The following DOT1L variants were observed in gnomAD, a reference collection of about 807,000 sequenced individuals.
DOT1L encodes the protein histone-lysine N-methyltransferase, H3 lysine-79 specific.
A neutral mutation model predicts 153.3 loss-of-function variants in DOT1L; 33 were observed. That is an observed-to-expected ratio of 0.22 (90% CI 0.16 to 0.29). The LOEUF (loss-of-function observed/expected upper bound fraction) is 0.29. Ranked by LOEUF, DOT1L falls within the 10% of genes least tolerant of loss-of-function variation. The probability of loss-of-function intolerance (pLI) is 1.00; values close to 1 mark genes in which losing one functional copy is unlikely to be tolerated. For synonymous variants in DOT1L, 1,135 were observed against 965.1 expected, an observed-to-expected ratio of 1.18 and a Z score of -3.26; for missense variants, 1,847 against 2,119.9, an observed-to-expected ratio of 0.87 and a Z score of 2.53.
At chr19:2,170,929 CAA>C (rs1599528856) in intron 1 of DOT1L, among the ~76,000 whole-genome samples, 2 of 152,242 alleles carry the variant, frequency 1.3e-5, no homozygotes, top group East Asian at 3.9e-4. Flanking sequence ...TGTCCCCCTC[CAA>C]GAGTCTCCCA....
Position 2,194,490 on chromosome 19 carries a change from GGGCGTTT to G in DOT1L, c.589-22_589-16del, listed in dbSNP as rs759883838. On this transcript the variant is annotated intron_variant, in intron 6 of 27. Transcript: ENST00000398665. ...CTGGCTTGCCCTGAGAGTTTGTAAC[GGGCGTTT>G]GGTTTCTTTCCTTCCAGACCATGGA... The G allele has an allele frequency of 1.9e-6, 3 of 1,613,778 alleles. No individual in the cohort carries two copies. The highest frequency in any genetic ancestry group is 1.1e-5 in the South Asian group (1 of 91,088).
intron 1 of DOT1L, among the ~76,000 whole-genome samples, chr19:2,177,386 T>C (rs541267464): frequency 1.8e-3 from 271 of 151,922 alleles, no homozygotes; most frequent in African/African-American, 6.2e-3. Flanking sequence ...AACCTCTGCC[T>C]CCCGGGTTCA....
At position 2,191,571 on chromosome 19, in the gene DOT1L, C is replaced by T. The variant is rs1048149655; in HGVS notation, c.493+331C>T. Among the ~76,000 whole-genome samples, 1 of 152,224 alleles carries T rather than the reference C, an allele frequency of 6.6e-6. No individual in the cohort carries two copies. Among genetic ancestry groups the T allele is most frequent in the South Asian group, 2.1e-4 (1 of 4,832 alleles). The stretch of plus-strand genomic sequence containing the variant: ...TCTACTGCTCGCTCCCAGAAGCTGC[C>T]ACTCGCTAGCCTGGGCCCCAGCCCG... On this transcript the variant is annotated intron_variant, in intron 5 of 27. Coordinates refer to ENST00000398665, the MANE Select transcript of DOT1L (RefSeq NM_032482.3). This position sits in a 1 kb window ranked among gnomAD's most constrained non-coding sequence, Gnocchi z 6.8.
At chr19:2,178,166 G>A (rs1374939209) in intron 1 of DOT1L, among the ~76,000 whole-genome samples, 2 of 148,140 alleles carry the variant, frequency 1.4e-5, no homozygotes, top group East Asian at 2.0e-4. Context: ...TCCTGACCTC[G>A]AGTGATCCAC....
chr19:2,164,988 T>C (rs1297403771), intron 1 of DOT1L, among the ~76,000 whole-genome samples: 2 of 152,212 alleles, frequency 1.3e-5, no homozygotes, highest in Non-Finnish European at 2.9e-5. Context: ...TTTTGTCTTC[T>C]TCATCTTGGT....
rs576383622 is a variant in DOT1L, at chr19:2,220,610, G to A, written c.2806+388G>A. 28 of 441,784 alleles carry A rather than the reference G, an allele frequency of 6.3e-5. No homozygotes were observed. The highest frequency in any genetic ancestry group is 3.7e-4 in the Admixed American group (15 of 40,038). 27.4% of individuals were successfully genotyped at this position (441,784 alleles called of 1,614,324 possible). On this transcript the variant is annotated intron_variant, in intron 23 of 27. Transcript: ENST00000398665. This position sits in a 1 kb window ranked among gnomAD's most constrained non-coding sequence, Gnocchi z 4.5. ...GACCGTGGGCCTCCGTGCTGGTAGC[G>A]GCATGGTTTCTGGTTCCTTGAGAAG... is the stretch of plus-strand genomic sequence containing the variant.
chr19:2,166,916 C>A (rs980822867), intron 1 of DOT1L, among the ~76,000 whole-genome samples: 1 of 152,184 alleles, frequency 6.6e-6, no homozygotes, highest in African/African-American at 2.4e-5. Flanking sequence ...CTGGCCTTAC[C>A]TGTAGTTCTG....
intron 1 of DOT1L, among the ~76,000 whole-genome samples, chr19:2,176,623 C>A (rs74663331): frequency 0.035 from 5,286 of 152,286 alleles, 305 homozygotes; most frequent in African/African-American, 0.12. Context: ...CTGTGAGAAG[C>A]GCTTGGCTGA....
intron 8 of DOT1L, among the ~76,000 whole-genome samples, chr19:2,202,454 C>G (rs894758408): frequency 6.6e-6 from 1 of 152,254 alleles, no homozygotes; most frequent in Non-Finnish European, 1.5e-5. Flanking sequence ...CTCCAAGATT[C>G]ACAATAAGAG....
At chr19:2,167,779 A>G (rs1599523590) in intron 1 of DOT1L, among the ~76,000 whole-genome samples, 1 of 139,114 alleles carries the variant, frequency 7.2e-6, no homozygotes, top group African/African-American at 2.8e-5. Flanking sequence ...TCTATCGCCC[A>G]GGCTGGAGTG....
At chr19:2,199,690 G>A (rs1420702743) in intron 7 of DOT1L, among the ~76,000 whole-genome samples, 194 bp from the exon 8 acceptor site, 3 of 152,214 alleles carry the variant, frequency 2.0e-5, no homozygotes, top group Admixed American at 6.5e-5. Context: ...GGTCCTGCCC[G>A]TTCTCTGCGC....
rs892107999 is a variant in DOT1L, at chr19:2,225,729, G to A, written c.3661+277G>A. 5.9e-5 allele frequency among the ~76,000 whole-genome samples: 9 copies of A among 152,150 alleles called. No homozygotes were observed. The East Asian group carries it at 1.2e-3, about 20-fold the overall frequency. ...CTCTCACAGTGGGTGGCTGACCTGC[G>A]GGGATCGTCACCTTGGGTCCCCTGT... On this transcript the variant is annotated intron_variant, in intron 26 of 27. Coordinates refer to ENST00000398665, the MANE Select transcript of DOT1L (RefSeq NM_032482.3).
At chr19:2,223,091 CTG>C (rs2024189256) in intron 24 of DOT1L, among the ~76,000 whole-genome samples, 188 bp from the exon 25 acceptor site, 2 of 151,240 alleles carry the variant, frequency 1.3e-5, no homozygotes, top group African/African-American at 4.9e-5. Flanking sequence ...ATGGGGGGCT[CTG>C]GGATTGCGGG....
At position 2,202,789 on chromosome 19, in the gene DOT1L, C is replaced by T. The variant is rs377337695; in HGVS notation, c.787+10C>T. The T allele has an allele frequency of 8.1e-6, 13 of 1,614,180 alleles. No homozygotes were observed. The highest frequency in any genetic ancestry group is 2.2e-5 in the South Asian group (2 of 91,084). On this transcript the variant is annotated intron_variant, in intron 9 of 27. Coordinates refer to ENST00000398665, the MANE Select transcript of DOT1L (RefSeq NM_032482.3). ...GCAAACATGAAGGAAGGTAAGGCGC[C>T]CTCCTCGCCGGTCTGTGCTGGTGTG...
At position 2,193,335 on chromosome 19, in the gene DOT1L, G is replaced by A. The variant is rs574994445; in HGVS notation, c.494-354G>A. ...TGTGCTGGTGACGTGGGGATAATTT[G>A]AGGTGGACGGCAGCCTTTCCAGACC... On this transcript the variant is annotated intron_variant, in intron 5 of 27. Coordinates refer to ENST00000398665, the MANE Select transcript of DOT1L (RefSeq NM_032482.3). This position sits in a 1 kb window ranked among gnomAD's most constrained non-coding sequence, Gnocchi z 5.9. 3.1e-4 allele frequency among the ~76,000 whole-genome samples: 47 copies of A among 152,348 alleles called. No individual in the cohort carries two copies. Among genetic ancestry groups the A allele is most frequent in the African/African-American group, 1.1e-3 (45 of 41,580 alleles).
intron 27 of DOT1L, 124 bp downstream of exon 27, chr19:2,227,251 G>A (rs2024391372): frequency 7.8e-7 from 1 of 1,285,582 alleles, no homozygotes; most frequent in Non-Finnish European, 1.1e-6. Flanking sequence ...GGTGCCGGCC[G>A]GCCCCCGCCA....
At chr19:2,203,350 C>A (rs1205557111) in intron 9 of DOT1L, among the ~76,000 whole-genome samples, 1 of 152,208 alleles carries the variant, frequency 6.6e-6, no homozygotes, top group Non-Finnish European at 1.5e-5. Flanking sequence ...ATCTGCCCGC[C>A]TCGGCCCCCG....
rs758060267 is a variant in DOT1L, at chr19:2,208,382, T to TAG, written c.964-550_964-549dup. On this transcript the variant is annotated intron_variant, in intron 11 of 27. Transcript: ENST00000398665. This position sits in a 1 kb window ranked among gnomAD's most constrained non-coding sequence, Gnocchi z 4.4. ...ACTGTCCAGTGCTCGGAGCCTCCAC[T>TAG]AGAGCCTGCCTGGGGAGCGCTGGTG... Among the ~76,000 whole-genome samples the TAG allele has an allele frequency of 6.6e-6, 1 of 152,086 alleles. No homozygotes were observed. Among genetic ancestry groups the TAG allele is most frequent in the Non-Finnish European group, 1.5e-5 (1 of 67,996 alleles).
Position 2,191,289 on chromosome 19 carries a change from G to T in DOT1L, c.493+49G>T. The T allele has an allele frequency of 6.4e-7, 1 of 1,572,060 alleles. No homozygotes were observed. ...GCTCCTGTGCACTTCCAGGCCACACGCTCTGTGCCTGCCCCATGCCTGCTT... is the reference window on the plus strand; with the variant it reads ...GCTCCTGTGCACTTCCAGGCCACACTCTCTGTGCCTGCCCCATGCCTGCTT... On this transcript the variant is annotated intron_variant, in intron 5 of 27. Coordinates refer to ENST00000398665, the MANE Select transcript of DOT1L (RefSeq NM_032482.3). This position sits in a 1 kb window ranked among gnomAD's most constrained non-coding sequence, Gnocchi z 6.8.
Sources: allele counts gnomAD v4.1 joint callset (sites outside exome capture counted in the v4.1 genomes callset), GRCh38; gene constraint gnomAD v4.1.1; non-coding constraint Gnocchi (gnomAD v3.1); transcripts MANE v1.5; gene names NCBI Gene and HGNC (gene_info 2026-07-23, HGNC 2026-07-21).